ELMOD1: variants seen among roughly 807,000 people sequenced by gnomAD.
ELMOD1 encodes the protein ELMO domain-containing protein 1.
In ELMOD1, 21 loss-of-function variants were observed where a neutral mutation model predicts 46.7. The ratio of observed to expected loss-of-function variants is 0.45; its 90% CI spans 0.32 to 0.65. The LOEUF is 0.65. Ranked by LOEUF, ELMOD1 falls within the 30% of genes least tolerant of loss-of-function variation. The pLI is 0.04. For synonymous variants in ELMOD1, 122 were observed against 138.2 expected (o/e 0.88, Z 0.82); for missense variants, 348 against 407.8 (o/e 0.85, Z 1.26).
At chr11:107,632,948 T>C (rs1019823754) in intron 5 of ELMOD1, among the ~76,000 whole-genome samples, 1 of 152,200 alleles carries the variant, frequency 6.6e-6, no homozygotes, top group African/African-American at 2.4e-5. Flanking sequence ...CTTTTGGGCA[T>C]TGACATCATG....
At chr11:107,637,821 CT>C (rs1457840362) in intron 6 of ELMOD1, among the ~76,000 whole-genome samples, 1 of 152,154 alleles carries the variant, frequency 6.6e-6, no homozygotes, top group African/African-American at 2.4e-5. Context: ...CTGTGCCAGG[CT>C]TTTAATTATG....
At chr11:107,622,504 C>A (rs966969528) in intron 2 of ELMOD1, among the ~76,000 whole-genome samples, 8 of 152,190 alleles carry the variant, frequency 5.3e-5, no homozygotes, top group Non-Finnish European at 1.2e-4. Flanking sequence ...ACATGTCTGG[C>A]CTTCGCTTAG....
At chr11:107,647,244 G>A (rs1866445930) in intron 6 of ELMOD1, among the ~76,000 whole-genome samples, 1 of 151,880 alleles carries the variant, frequency 6.6e-6, no homozygotes, top group Non-Finnish European at 1.5e-5. Flanking sequence ...GAACCTCCTG[G>A]GAGGCTTCAG....
chr11:107,629,158 C>T (rs1001269565), intron 2 of ELMOD1, among the ~76,000 whole-genome samples: 9 of 152,008 alleles, frequency 5.9e-5, no homozygotes, highest in African/African-American at 1.5e-4. Flanking sequence ...TCAGACTGTT[C>T]GAGTTTTTAT....
At chr11:107,662,381 C>T (rs898433306) in intron 11 of ELMOD1, among the ~76,000 whole-genome samples, 2 of 152,088 alleles carry the variant, frequency 1.3e-5, no homozygotes, top group East Asian at 1.9e-4. Flanking sequence ...GAGGCTGAGG[C>T]GGGCGGATCA....
chr11:107,622,640 T>C (rs1480405130), intron 2 of ELMOD1, among the ~76,000 whole-genome samples: 1 of 152,246 alleles, frequency 6.6e-6, no homozygotes, highest in African/African-American at 2.4e-5. Flanking sequence ...CAAGTCTGAC[T>C]TTCAGACAAG....
intron 1 of ELMOD1, among the ~76,000 whole-genome samples, chr11:107,596,088 T>C (rs549600108): frequency 3.9e-5 from 6 of 152,242 alleles, no homozygotes; most frequent in East Asian, 1.9e-4. Context: ...TACATAACTT[T>C]TAAATGTTTC....
intron 2 of ELMOD1, among the ~76,000 whole-genome samples, chr11:107,620,837 C>G (rs987879485): frequency 6.6e-6 from 1 of 152,054 alleles, no homozygotes; most frequent in Non-Finnish European, 1.5e-5. Flanking sequence ...GCATTCCAGC[C>G]TGGCAAAAGA....
At chr11:107,599,760 G>A (rs373758999) in intron 1 of ELMOD1, among the ~76,000 whole-genome samples, 248 of 112,212 alleles carry the variant, frequency 2.2e-3, no homozygotes, top group Middle Eastern at 4.7e-3. Flanking sequence ...AAGAAAAAAA[G>A]AAAAGAAAAA....
chr11:107,601,317 A>C (rs1865593448), intron 1 of ELMOD1, among the ~76,000 whole-genome samples: 1 of 147,978 alleles, frequency 6.8e-6, no homozygotes, highest in Non-Finnish European at 1.5e-5. Flanking sequence ...TGACAGTGTA[A>C]ATTTTATTTA....
At chr11:107,654,756 G>A (rs1475804357) in intron 10 of ELMOD1, among the ~76,000 whole-genome samples, 24 of 138,976 alleles carry the variant, frequency 1.7e-4, no homozygotes, top group African/African-American at 5.2e-4. Context: ...GCGACAAAGC[G>A]AGACTCCGTC....
intron 11 of ELMOD1, among the ~76,000 whole-genome samples, chr11:107,660,068 G>A (rs1866707572): frequency 6.6e-6 from 1 of 152,076 alleles, no homozygotes; most frequent in Non-Finnish European, 1.5e-5. Flanking sequence ...AGGGGCTCAG[G>A]CCTCTCTAAG....
chr11:107,618,653 G>A (rs781735880), intron 2 of ELMOD1, among the ~76,000 whole-genome samples: 8 of 152,060 alleles, frequency 5.3e-5, no homozygotes, highest in South Asian at 2.1e-4. Flanking sequence ...TTTTGTGGGC[G>A]GTCAAACTAT....
intron 2 of ELMOD1, among the ~76,000 whole-genome samples, chr11:107,627,418 ATTTCTCCTGGC>A (rs1348321952): frequency 6.6e-6 from 1 of 152,204 alleles, no homozygotes; most frequent in African/African-American, 2.4e-5. Context: ...CCTCCTGTGG[ATTTCTCCTGGC>A]TTTCATGTCT....
intron 6 of ELMOD1, among the ~76,000 whole-genome samples, chr11:107,636,400 G>C (rs748381654): frequency 2.6e-5 from 4 of 152,074 alleles, no homozygotes; most frequent in Non-Finnish European, 5.9e-5. Context: ...TTGAGTTTGG[G>C]GCTAAAGAAA....
intron 6 of ELMOD1, chr11:107,643,741 A>C (rs973970138): frequency 2.0e-6 from 1 of 491,356 alleles, no homozygotes; most frequent in African/African-American, 2.0e-5. Flanking sequence ...TATTGGAGCA[A>C]TCTTGACTCT....
intron 11 of ELMOD1, among the ~76,000 whole-genome samples, chr11:107,664,636 A>G (rs2135722489): frequency 6.6e-6 from 1 of 152,320 alleles, no homozygotes; most frequent in South Asian, 2.1e-4. Flanking sequence ...AAGAGAATAA[A>G]GTCCGAGTGG....
At chr11:107,646,304 G>T (rs1000482324) in intron 6 of ELMOD1, among the ~76,000 whole-genome samples, 9 of 152,222 alleles carry the variant, frequency 5.9e-5, no homozygotes, top group African/African-American at 2.2e-4. Context: ...TAATAAAATT[G>T]ATTTTAATTG....
chr11:107,645,089 ATTTTTTTT>A (rs11390120), intron 6 of ELMOD1, among the ~76,000 whole-genome samples: 77 of 103,192 alleles, frequency 7.5e-4, no homozygotes, highest in Admixed American at 5.6e-3. Flanking sequence ...TGCCTGGCTA[ATTTTTTTT>A]TTTTTTTTTT....
Sources: gnomAD v4.1 joint callset for allele counts (sites outside exome capture counted in the v4.1 genomes callset) on GRCh38, gnomAD v4.1.1 for gene constraint, MANE v1.5 for transcripts, NCBI Gene and HGNC (gene_info 2026-07-23, HGNC 2026-07-21) for gene names.